Variants in MID1 observed in about 807,000 individuals in gnomAD.
MID1 encodes the protein midline 1, also known as E3 ubiquitin-protein ligase Midline-1.
A neutral mutation model predicts 40.4 loss-of-function variants in MID1; 7 were observed. The observed-to-expected ratio is 0.17, with a 90% CI of 0.10 to 0.33. The LOEUF (loss-of-function observed/expected upper bound fraction) is 0.33. Among genes scored for constraint, MID1 ranks in the 10% least tolerant of loss-of-function variants. MID1 has a pLI of 1.00. For missense variants in MID1, 367 were observed against 558.5 expected (o/e 0.66, Z 3.46); for synonymous variants, 229 against 221.2 (o/e 1.04, Z -0.31).
Position 10,461,083 on chromosome X carries a change from A to AATATATATATATATATATATAT in MID1, c.1286-1277_1286-1276insATATATATATATATATATATAT, listed in dbSNP as rs35175429. ...TTTTCAAGTACACATCAGTGAATTA[A>AATATATATATATATATATATAT]ATATATATATATATATATGTATGTA... On this transcript the variant is annotated intron_variant, in intron 7 of 9. Transcript: ENST00000317552. Among the ~76,000 whole-genome samples, 85 of 99,319 alleles carry AATATATATATATATATATATAT rather than the reference A, an allele frequency of 8.6e-4. 1 individual carries two copies. Among genetic ancestry groups the AATATATATATATATATATATAT allele is most frequent in the African/African-American group, 3.1e-3 (80 of 26,212 alleles). 86.2% of individuals were successfully genotyped at this position (99,319 alleles called of 115,157 possible).
intron 1 of MID1, among the ~76,000 whole-genome samples, chrX:10,633,449 CTT>C (rs1370672479): frequency 9.1e-6 from 1 of 110,038 alleles, no homozygotes; most frequent in Non-Finnish European, 1.9e-5. Flanking sequence ...TGTGTATGTA[CTT>C]TTTTTTCTTT....
At chrX:10,786,759 T>C (rs1163185339) in intron 1 of MID1, among the ~76,000 whole-genome samples, 1 of 93,519 alleles carries the variant, frequency 1.1e-5, no homozygotes, top group Non-Finnish European at 2.0e-5. Flanking sequence ...TAGGTGGGAA[T>C]TGAACAATGA....
intron 1 of MID1, among the ~76,000 whole-genome samples, chrX:10,597,284 G>C (rs891565388): frequency 2.7e-5 from 3 of 111,269 alleles, no homozygotes; most frequent in Non-Finnish European, 5.7e-5. Context: ...GTTTTGTTTT[G>C]CAAGTTGTTA....
intron 1 of MID1, among the ~76,000 whole-genome samples, chrX:10,649,424 G>C (rs1936295034): frequency 8.9e-6 from 1 of 112,059 alleles, no homozygotes; most frequent in South Asian, 3.7e-4. Context: ...TGCTGAAGGA[G>C]AAATCTACCT....
chrX:10,566,810 A>G (rs1934569412), intron 2 of MID1, 78 bp downstream of exon 2: 1 of 1,029,089 alleles, frequency 9.7e-7, no homozygotes. Flanking sequence ...CCTGCCATGT[A>G]GCTAGCAGTG....
At chrX:10,805,948 G>C (rs2044042465) in intron 1 of MID1, among the ~76,000 whole-genome samples, 1 of 109,638 alleles carries the variant, frequency 9.1e-6, no homozygotes, top group South Asian at 4.0e-4. Context: ...TTTGTTTTGA[G>C]TTCATTGTAG....
At chrX:10,597,576 C>T (rs1222763628) in intron 1 of MID1, among the ~76,000 whole-genome samples, 1 of 111,893 alleles carries the variant, frequency 8.9e-6, no homozygotes, top group Non-Finnish European at 1.9e-5. Context: ...TCTTTTTATG[C>T]ACAAAGCACA....
At chrX:10,783,523 C>T (rs1158445104) in intron 1 of MID1, among the ~76,000 whole-genome samples, 1 of 111,633 alleles carries the variant, frequency 9.0e-6, no homozygotes, top group Non-Finnish European at 1.9e-5. Context: ...GTCCTTCTAT[C>T]ACGCAACAGC....
At chrX:10,537,230 A>T (rs1933294947) in intron 2 of MID1, among the ~76,000 whole-genome samples, 1 of 111,541 alleles carries the variant, frequency 9.0e-6, no homozygotes, top group Non-Finnish European at 1.9e-5. Flanking sequence ...GGAGAGGGCA[A>T]CCAGCCAGCA....
Position 10,641,779 on chromosome X carries a change from C to T in MID1, c.-186-21360G>A, listed in dbSNP as rs187754709. 3.0e-4 allele frequency among the ~76,000 whole-genome samples: 33 copies of T among 111,746 alleles called. No individual in the cohort carries two copies. The East Asian group carries it at 9.0e-3, about 30-fold the overall frequency. On this transcript the variant is annotated intron_variant, in intron 1 of 10. Coordinates refer to the MID1 transcript ENST00000380785. ...GCAAAAATCCTCAATAAAATACTGG[C>T]AAACCAAATCCAGCAGCACATCAAA...
chrX:10,748,031 GAGATGAT>G (rs2043571626), intron 1 of MID1, among the ~76,000 whole-genome samples: 1 of 110,673 alleles, frequency 9.0e-6, no homozygotes, highest in Non-Finnish European at 1.9e-5. Context: ...TAGTGAGCTG[GAGATGAT>G]AATGGTTCAT....
chrX:10,810,126 G>A (rs1263382271), intron 1 of MID1, among the ~76,000 whole-genome samples: 3 of 111,019 alleles, frequency 2.7e-5, no homozygotes, highest in African/African-American at 6.6e-5. Context: ...GAAGTTTCTC[G>A]TCATCCCAAA....
At chrX:10,626,311 C>CTATTATTATTATTAT (rs772195870) in intron 1 of MID1, among the ~76,000 whole-genome samples, 167 of 101,841 alleles carry the variant, frequency 1.6e-3, no homozygotes, top group African/African-American at 3.1e-3. Context: ...TCATATGAAA[C>CTATTATTATTATTAT]TATTATTATT....
intron 1 of MID1, among the ~76,000 whole-genome samples, chrX:10,743,420 T>C (rs2043538595): frequency 8.9e-6 from 1 of 112,402 alleles, no homozygotes; most frequent in Non-Finnish European, 1.9e-5. Context: ...TAATACAAAT[T>C]AAAGCCAAGA....
chrX:10,688,076 T>C (rs2043111027), intron 1 of MID1, among the ~76,000 whole-genome samples: 1 of 111,296 alleles, frequency 9.0e-6, no homozygotes, highest in Non-Finnish European at 1.9e-5. Flanking sequence ...CCTAGACTGG[T>C]CTCAAACTTT....
intron 1 of MID1, among the ~76,000 whole-genome samples, chrX:10,738,401 G>A (rs955384259): frequency 9.0e-6 from 1 of 110,888 alleles, no homozygotes; most frequent in Non-Finnish European, 1.9e-5. Context: ...ACAGAAGGAG[G>A]TCCCACCCAG....
intron 1 of MID1, among the ~76,000 whole-genome samples, chrX:10,602,230 T>G (rs1293657429): frequency 9.2e-6 from 1 of 108,148 alleles, no homozygotes; most frequent in African/African-American, 3.4e-5. Flanking sequence ...TCTGACTTTT[T>G]TTTTTTTTTT....
intron 1 of MID1, among the ~76,000 whole-genome samples, chrX:10,769,750 A>T: frequency 8.9e-6 from 1 of 111,866 alleles, no homozygotes; most frequent in Non-Finnish European, 1.9e-5. Context: ...GGAGACTTTG[A>T]ATCCTGCACC....
At chrX:10,686,526 C>A (rs2043099113) in intron 1 of MID1, among the ~76,000 whole-genome samples, 1 of 112,091 alleles carries the variant, frequency 8.9e-6, no homozygotes, top group African/African-American at 3.2e-5. Context: ...TCCTATTAAT[C>A]TGCCTCTTGT....
Sources: allele counts gnomAD v4.1 joint callset (sites outside exome capture counted in the v4.1 genomes callset), GRCh38; gene constraint gnomAD v4.1.1; transcripts MANE v1.5; gene names NCBI Gene and HGNC (gene_info 2026-07-23, HGNC 2026-07-21).